SH3BGR: variants seen among roughly 807,000 people sequenced by gnomAD.
SH3BGR encodes SH3 domain-binding glutamic acid-rich protein.
SH3BGR carries 29 observed loss-of-function variants against 24.5 expected under a neutral mutation model. The ratio of observed to expected loss-of-function variants is 1.18; its 90% CI spans 0.88 to 1.61. SH3BGR has a LOEUF of 1.61. Among genes scored for constraint, SH3BGR ranks in the 40% most tolerant of loss-of-function variants. SH3BGR has a pLI of 0.00. For synonymous variants in SH3BGR, 55 were observed against 65.7 expected (o/e 0.84, Z 0.79); for missense variants, 162 against 205.8 (o/e 0.79, Z 1.30).
intron 3 of SH3BGR, among the ~76,000 whole-genome samples, chr21:39,477,874 A>G (rs1470661107): frequency 6.6e-6 from 1 of 152,180 alleles, no homozygotes; most frequent in Non-Finnish European, 1.5e-5. Flanking sequence ...TTATTTTTTA[A>G]GTTGACAAAT....
intron 3 of SH3BGR, among the ~76,000 whole-genome samples, chr21:39,485,984 G>A (rs190879284): frequency 3.7e-4 from 56 of 152,254 alleles, no homozygotes; most frequent in Non-Finnish European, 7.4e-4. Flanking sequence ...CACCACGCCC[G>A]GCCGGTCTCA....
At chr21:39,461,417 G>A (rs1284743922) in intron 1 of SH3BGR, among the ~76,000 whole-genome samples, 2 of 152,158 alleles carry the variant, frequency 1.3e-5, no homozygotes, top group East Asian at 1.9e-4. Context: ...GACTATAGGT[G>A]TGAGCCACTG....
rs186326424 is a variant in SH3BGR at position 39,475,305 on chromosome 21, T to C, written c.312+90T>C. On this transcript the variant is annotated intron_variant, in intron 3 of 6. Coordinates refer to ENST00000333634, the MANE Select transcript of SH3BGR (RefSeq NM_007341.3). ...GCATCCAAGACTGTTTAATACATGATGATCTCTAAATTAACATTACTTTAG... is the reference window on the plus strand; with the variant it reads ...GCATCCAAGACTGTTTAATACATGACGATCTCTAAATTAACATTACTTTAG... The C allele has an allele frequency of 2.1e-3, 1,644 of 779,122 alleles. 7 individuals carry two copies. Among genetic ancestry groups the C allele is most frequent in the Non-Finnish European group, 2.8e-3 (1,262 of 445,294 alleles). The allele number at this position is 779,122 out of a possible 1,614,324, so 48.3% of individuals were successfully genotyped here. A position where few individuals can be genotyped will look rare whatever the true frequency, so the allele number is the denominator to read the frequency against.
chr21:39,504,487 C>T (rs370825695), intron 4 of SH3BGR, among the ~76,000 whole-genome samples: 3 of 152,280 alleles, frequency 2.0e-5, no homozygotes, highest in East Asian at 1.9e-4. Flanking sequence ...GTTCTGGCCA[C>T]GCACCACCTC....
chr21:39,494,762 T>G (rs1175242150), intron 3 of SH3BGR, among the ~76,000 whole-genome samples: 1 of 152,098 alleles, frequency 6.6e-6, no homozygotes, highest in African/African-American at 2.4e-5. Context: ...TTAGAAAATT[T>G]TCAACCATTA....
At chr21:39,484,813 C>T (rs1047601041) in intron 3 of SH3BGR, among the ~76,000 whole-genome samples, 1 of 152,128 alleles carries the variant, frequency 6.6e-6, no homozygotes, top group Non-Finnish European at 1.5e-5. Flanking sequence ...TTATACTGTG[C>T]GCAGGGACAG....
chr21:39,500,227 T>G (rs909403299), intron 4 of SH3BGR, among the ~76,000 whole-genome samples: 1 of 151,932 alleles, frequency 6.6e-6, no homozygotes, highest in South Asian at 2.1e-4. Context: ...CAAGGGACCT[T>G]TCTGCTTGAT....
At chr21:39,454,697 G>A (rs1350914120) in intron 1 of SH3BGR, among the ~76,000 whole-genome samples, 2 of 152,314 alleles carry the variant, frequency 1.3e-5, no homozygotes, top group African/African-American at 4.8e-5. Context: ...GATTGACAGT[G>A]TAAATATCGT....
At chr21:39,499,264 A>ATCTATCTATCTATCTATCTG (rs1288540646) in intron 3 of SH3BGR, among the ~76,000 whole-genome samples, 5 of 151,088 alleles carry the variant, frequency 3.3e-5, no homozygotes, top group African/African-American at 4.8e-5. Context: ...TCATCTGTCT[A>ATCTATCTATCTATCTATCTG]TCTGTCTATC....
chr21:39,473,800 G>A (rs1157445295), intron 2 of SH3BGR, among the ~76,000 whole-genome samples: 3 of 151,048 alleles, frequency 2.0e-5, no homozygotes, highest in African/African-American at 2.4e-5. Context: ...CAGGAGAATC[G>A]CTTGAACCCA....
In SH3BGR at chr21:39,502,170, C is replaced by CA. The variant is rs199561551; in HGVS notation, c.405+2264dup. Among the ~76,000 whole-genome samples the CA allele has an allele frequency of 3.0e-3, 460 of 151,424 alleles. 1 individual carries two copies. Among genetic ancestry groups the CA allele is most frequent in the African/African-American group, 0.011 (435 of 41,292 alleles). ...TCTGGGCAATAGAGTAAGACCATCT[C>CA]AAAAAAAAATTGCTGAAATGGGAGG... On this transcript the variant is annotated intron_variant, in intron 4 of 6. Transcript: ENST00000333634.
chr21:39,507,593 A>T (rs907804966), intron 4 of SH3BGR, among the ~76,000 whole-genome samples: 1 of 152,124 alleles, frequency 6.6e-6, no homozygotes, highest in African/African-American at 2.4e-5. Flanking sequence ...TTGGCCTCCC[A>T]AAGTGCTGGG....
intron 2 of SH3BGR, among the ~76,000 whole-genome samples, chr21:39,464,385 G>T (rs534135080): frequency 6.6e-6 from 1 of 152,232 alleles, no homozygotes; most frequent in Non-Finnish European, 1.5e-5. Context: ...ACTACGCCTG[G>T]CTAATTTTTA....
At chr21:39,454,869 C>G (rs2077630201) in intron 1 of SH3BGR, among the ~76,000 whole-genome samples, 1 of 152,212 alleles carries the variant, frequency 6.6e-6, no homozygotes, top group South Asian at 2.1e-4. Flanking sequence ...TGGTGCCTGA[C>G]AGTGCAGGTT....
chr21:39,462,425 C>T lies in SH3BGR; in HGVS notation c.96C>T (p.Ile32=), dbSNP rs887325531. The change falls in exon 2 of 7, where the codon ATC becomes ATT. Residue 32 remains isoleucine (I), a synonymous_variant. Coordinates refer to ENST00000333634, the MANE Select transcript of SH3BGR (RefSeq NM_007341.3). ...EVVGFLEANK[I]DFKELDIAGD... Reference sequence around the variant, plus strand: ...TGGGTTTTTTGGAAGCGAATAAAATCGACTTTAAGGAATTAGATATTGCTG... The same window carrying T: ...TGGGTTTTTTGGAAGCGAATAAAATTGACTTTAAGGAATTAGATATTGCTG... The T allele has an allele frequency of 2.7e-5, 44 of 1,611,286 alleles. No homozygotes were observed. The highest frequency in any genetic ancestry group is 5.4e-5 in the African/African-American group (4 of 74,668).
chr21:39,457,231 TAA>T lies in SH3BGR; in HGVS notation c.45+5092_45+5093del, dbSNP rs1048087982. On this transcript the variant is annotated intron_variant, in intron 1 of 6. Coordinates refer to ENST00000333634, the MANE Select transcript of SH3BGR (RefSeq NM_007341.3). ...AAATTATATAAAAATCATATATAGT[TAA>T]ATATAAAAATCTTATTATATTATAT... Among the ~76,000 whole-genome samples, 634 of 79,150 alleles carry T rather than the reference TAA, an allele frequency of 8.0e-3. 8 individuals carry two copies. The highest frequency in any genetic ancestry group is 0.026 in the African/African-American group (607 of 23,312). The allele number at this position is 79,150 out of a possible 152,430, so 51.9% of individuals were successfully genotyped here. A position where few individuals can be genotyped will look rare whatever the true frequency, so the allele number is the denominator to read the frequency against.
intron 3 of SH3BGR, among the ~76,000 whole-genome samples, chr21:39,499,058 C>T (rs1373047023): frequency 6.6e-6 from 1 of 152,144 alleles, no homozygotes; most frequent in Admixed American, 6.6e-5. Flanking sequence ...CCTTATAAAA[C>T]CATTAGATCT....
chr21:39,514,610 C>G lies in SH3BGR; in HGVS notation c.*35-478C>G, dbSNP rs377342344. On this transcript the variant is annotated intron_variant, in intron 6 of 6. Coordinates refer to ENST00000333634, the MANE Select transcript of SH3BGR (RefSeq NM_007341.3). ...CTCTTAGGCTCAAGTGCTCTGCCCA[C>G]CTTGGCCTCCCAAAGTGTTGGAATT... Among the ~76,000 whole-genome samples the G allele has an allele frequency of 1.1e-3, 168 of 152,272 alleles. 3 individuals are homozygous for G. In the South Asian group the frequency reaches 0.034, roughly 30 times the overall value.
chr21:39,463,183 A>C (rs901375005), intron 2 of SH3BGR, among the ~76,000 whole-genome samples: 4 of 152,214 alleles, frequency 2.6e-5, no homozygotes, highest in African/African-American at 9.7e-5. Flanking sequence ...GGTGCCCAGC[A>C]AGTTTTCACT....
Sources: allele counts gnomAD v4.1 joint callset (sites outside exome capture counted in the v4.1 genomes callset), GRCh38; gene constraint gnomAD v4.1.1; transcripts MANE v1.5; gene names NCBI Gene and HGNC (gene_info 2026-07-23, HGNC 2026-07-21).